Variants in ADAMTS20 observed in about 807,000 individuals in gnomAD.
ADAMTS20 encodes the protein A disintegrin and metalloproteinase with thrombospondin motifs 20.
A neutral mutation model predicts 260.1 loss-of-function variants in ADAMTS20; 225 were observed. The observed-to-expected ratio is 0.87, with a 90% CI of 0.78 to 0.97. The LOEUF (loss-of-function observed/expected upper bound fraction) is 0.97, where lower values mean the gene tolerates loss of function less well. Ranked by LOEUF, ADAMTS20 falls within the 50% of genes least tolerant of loss-of-function variation. ADAMTS20 has a pLI of 0.00. For missense variants in ADAMTS20, 2,400 were observed against 2,337.7 expected, an observed-to-expected ratio of 1.03 and a Z score of -0.55; for synonymous variants, 802 against 769.5, an observed-to-expected ratio of 1.04 and a Z score of -0.70.
intron 5 of ADAMTS20, 58 bp from the exon 6 acceptor site, chr12:43,492,687 C>A: frequency 6.3e-7 from 1 of 1,581,992 alleles, no homozygotes; most frequent in Admixed American, 1.7e-5. Context: ...CTTTTCCTTC[C>A]AAGTTTATCA....
At chr12:43,383,507 C>T in intron 31 of ADAMTS20, 51 bp downstream of exon 31, 2 of 1,530,918 alleles carry the variant, frequency 1.3e-6, no homozygotes, top group South Asian at 1.3e-5. Context: ...ATTGTAGATC[C>T]AGCTGTTTTA....
intron 29 of ADAMTS20, among the ~76,000 whole-genome samples, chr12:43,386,102 C>T (rs1243275999): frequency 6.6e-6 from 1 of 152,092 alleles, no homozygotes; most frequent in African/African-American, 2.4e-5. Flanking sequence ...TTCAAAAAAA[C>T]AGGTCCTGGA....
chr12:43,530,453 T>A (rs931526644), intron 3 of ADAMTS20, among the ~76,000 whole-genome samples: 1 of 152,196 alleles, frequency 6.6e-6, no homozygotes, highest in African/African-American at 2.4e-5. Flanking sequence ...GAAAGGCATC[T>A]ATTATGTCAA....
In ADAMTS20 at chr12:43,430,351, C is replaced by T; in HGVS notation, c.3381+1G>A. ...TGTTTGTAAACCATGATTCTTTTTA[C>T]CTGTCTGTCACTGGGGCGACTAGCT... On this transcript the variant is annotated splice_donor_variant, in intron 23 of 38. Transcript: ENST00000389420. LOFTEE classifies it high-confidence loss of function. 1 of 1,610,706 alleles carries T rather than the reference C, an allele frequency of 6.2e-7. No individual in the cohort carries two copies. Among genetic ancestry groups the T allele is most frequent in the African/African-American group, 1.3e-5 (1 of 74,886 alleles).
intron 28 of ADAMTS20, among the ~76,000 whole-genome samples, chr12:43,408,037 C>CT (rs1244732551): frequency 1.3e-5 from 2 of 152,078 alleles, no homozygotes; most frequent in African/African-American, 4.8e-5. Context: ...TAACATGAAC[C>CT]TTTACAAGTA....
Position 43,383,745 on chromosome 12 carries a change from C to G in ADAMTS20, c.4627-17G>C. The G allele has an allele frequency of 1.9e-6, 3 of 1,613,504 alleles. No individual in the cohort carries two copies. The highest frequency in any genetic ancestry group is 2.5e-6 in the Non-Finnish European group (3 of 1,179,628). On this transcript the variant is annotated splice_polypyrimidine_tract_variant and intron_variant, in intron 30 of 38. Coordinates refer to ENST00000389420, the MANE Select transcript of ADAMTS20 (RefSeq NM_025003.5). Reference sequence around the variant, plus strand: ...TGTTGAACACTAGAAATGCAATAACCAAATGAATAACACATTCTTATATGC... The same window carrying G: ...TGTTGAACACTAGAAATGCAATAACGAAATGAATAACACATTCTTATATGC...
intron 7 of ADAMTS20, among the ~76,000 whole-genome samples, chr12:43,484,065 A>G (rs1378007742): frequency 6.6e-6 from 1 of 152,142 alleles, no homozygotes; most frequent in East Asian, 1.9e-4. Flanking sequence ...TAATCAAGGA[A>G]CTCATACTGA....
intron 2 of ADAMTS20, among the ~76,000 whole-genome samples, chr12:43,549,975 T>A (rs1338521552): frequency 6.6e-6 from 1 of 152,232 alleles, no homozygotes; most frequent in Non-Finnish European, 1.5e-5. Context: ...AAAGTATGTA[T>A]CTGCTAAACA....
chr12:43,384,703 G>C (rs902276041), intron 29 of ADAMTS20, among the ~76,000 whole-genome samples: 1 of 152,148 alleles, frequency 6.6e-6, no homozygotes, highest in Non-Finnish European at 1.5e-5. Flanking sequence ...AGAACATGCG[G>C]TGTTTGGTTT....
chr12:43,420,242 C>T (rs1167772739), intron 28 of ADAMTS20, among the ~76,000 whole-genome samples: 5 of 152,174 alleles, frequency 3.3e-5, no homozygotes, highest in Non-Finnish European at 7.3e-5. Context: ...ACATTCATTG[C>T]TAAACTGCAA....
chr12:43,460,986 A>T (rs868852332), intron 11 of ADAMTS20, among the ~76,000 whole-genome samples: 1,851 of 40,724 alleles, frequency 0.045, 70 homozygotes, highest in East Asian at 0.18. Flanking sequence ...ATATATATAT[A>T]TATTTTTTTT....
intron 4 of ADAMTS20, among the ~76,000 whole-genome samples, chr12:43,499,794 C>T (rs1000092023): frequency 1.3e-5 from 2 of 152,020 alleles, no homozygotes; most frequent in African/African-American, 4.8e-5. Flanking sequence ...TGAGCCATGG[C>T]GCCTGGCCAA....
intron 25 of ADAMTS20, 32 bp from the exon 26 acceptor site, chr12:43,428,563 A>T: frequency 1.3e-6 from 2 of 1,542,356 alleles, no homozygotes; most frequent in South Asian, 1.3e-5. Flanking sequence ...GGTAATATAC[A>T]ACATTAATTT....
chr12:43,502,636 C>T lies in ADAMTS20; in HGVS notation c.614-231G>A, dbSNP rs1254151250. On this transcript the variant is annotated intron_variant, in intron 3 of 38. Coordinates refer to ENST00000389420, the MANE Select transcript of ADAMTS20 (RefSeq NM_025003.5). ...AAAGTTCACATTTTCTTAGATTTTACCAACAAGAAATTTTATCTAAGTCAT... is the reference window on the plus strand; with the variant it reads ...AAAGTTCACATTTTCTTAGATTTTATCAACAAGAAATTTTATCTAAGTCAT... 2.0e-5 allele frequency among the ~76,000 whole-genome samples: 3 copies of T among 151,862 alleles called. No homozygotes were observed. The South Asian group carries it at 6.2e-4, about 32-fold the overall frequency.
chr12:43,460,059 T>C (rs1942032889), intron 11 of ADAMTS20, among the ~76,000 whole-genome samples: 1 of 152,222 alleles, frequency 6.6e-6, no homozygotes, highest in Non-Finnish European at 1.5e-5. Flanking sequence ...AATTATAGAA[T>C]ATTTGTTTCA....
intron 7 of ADAMTS20, among the ~76,000 whole-genome samples, chr12:43,488,816 T>A (rs1942560003): frequency 6.6e-6 from 1 of 152,122 alleles, no homozygotes; most frequent in Non-Finnish European, 1.5e-5. Context: ...AAACAGACAT[T>A]TATAGCAATA....
chr12:43,474,360 C>A (rs1366752434), intron 7 of ADAMTS20, among the ~76,000 whole-genome samples: 49 of 149,550 alleles, frequency 3.3e-4, no homozygotes, highest in African/African-American at 9.3e-4. Flanking sequence ...GTTTACCAAC[C>A]AAAAAGAGTC....
chr12:43,375,277 G>A, intron 36 of ADAMTS20, 102 bp downstream of exon 36: 3 of 1,271,072 alleles, frequency 2.4e-6, no homozygotes, highest in Middle Eastern at 2.4e-4. Context: ...CACAATGTCA[G>A]GTCCTTCTCT....
chr12:43,372,242 T>C (rs918447152), intron 36 of ADAMTS20, among the ~76,000 whole-genome samples: 1 of 152,090 alleles, frequency 6.6e-6, no homozygotes, highest in East Asian at 1.9e-4. Flanking sequence ...TTGTAGAAGA[T>C]GAAGAATAAC....
Sources: gnomAD v4.1 joint callset for allele counts (sites outside exome capture counted in the v4.1 genomes callset) on GRCh38, gnomAD v4.1.1 for gene constraint, MANE v1.5 for transcripts, NCBI Gene and HGNC (gene_info 2026-07-23, HGNC 2026-07-21) for gene names.